The following ZBBX variants were observed in gnomAD, a reference collection of about 807,000 sequenced individuals.
The protein encoded by ZBBX is zinc finger B-box domain containing, also known as zinc finger B-box domain-containing protein 1.
A neutral mutation model predicts 108.5 loss-of-function variants in ZBBX; 101 were observed. The ratio of observed to expected loss-of-function variants is 0.93; its 90% CI spans 0.79 to 1.10. ZBBX has a LOEUF of 1.10. ZBBX is among the 50% of genes least tolerant of loss of function. The pLI is 0.00. For missense variants in ZBBX, 1,009 were observed against 941.4 expected, an observed-to-expected ratio of 1.07 and a Z score of -0.94; for synonymous variants, 356 against 323.4, an observed-to-expected ratio of 1.10 and a Z score of -1.08.
intron 20 of ZBBX, chr3:167,252,240 G>A (rs547538155): frequency 8.1e-7 from 1 of 1,229,416 alleles, no homozygotes; most frequent in East Asian, 5.6e-5. Context: ...AAGTCAGAGA[G>A]GTTGCTGTAC....
intron 17 of ZBBX, 77 bp from the exon 18 acceptor site, chr3:167,298,535 A>T (rs1184012617): frequency 5.3e-6 from 6 of 1,131,710 alleles, no homozygotes; most frequent in Non-Finnish European, 7.1e-6. Flanking sequence ...TCAGATACCT[A>T]CTTGGTATCT....
At chr3:167,366,420 A>G (rs1009627988) in intron 5 of ZBBX, among the ~76,000 whole-genome samples, 3 of 151,864 alleles carry the variant, frequency 2.0e-5, no homozygotes, top group Admixed American at 6.6e-5. Flanking sequence ...GATCTCCCAC[A>G]TTGAAACATA....
chr3:167,300,915 C>CTTTTTT (rs59563822), intron 17 of ZBBX, among the ~76,000 whole-genome samples: 3 of 136,556 alleles, frequency 2.2e-5, no homozygotes, highest in Admixed American at 7.4e-5. Context: ...TGTGCCTGGC[C>CTTTTTT]TTTTTTTTTT....
rs1733500555 is a variant in ZBBX at position 167,305,667 on chromosome 3, T to G, written c.1701A>C (p.Glu567Asp). The G allele has an allele frequency of 6.4e-7, 1 of 1,564,900 alleles. No homozygotes were observed. The highest frequency in any genetic ancestry group is 8.6e-7 in the Non-Finnish European group (1 of 1,161,238). ...SNLYKRPSFE[E>D]SKTTKSSLLL... ...CCAGTGATGACTTTGTAGTTTTTGATTCTTCAAAGCTTGGCCTCTTATACA... is the reference window on the plus strand; with the variant it reads ...CCAGTGATGACTTTGTAGTTTTTGAGTCTTCAAAGCTTGGCCTCTTATACA... The change falls in exon 17 of 22, where the codon GAA (glutamate) becomes GAC (aspartate). Residue 567 changes from glutamate to aspartate, a missense_variant. By Grantham distance (45) the Glu-to-Asp change is conservative. Coordinates refer to ENST00000675490, the MANE Select transcript of ZBBX (RefSeq NM_001199201.2).
chr3:167,371,712 G>A (rs1014279472), intron 4 of ZBBX, among the ~76,000 whole-genome samples: 2 of 152,030 alleles, frequency 1.3e-5, no homozygotes, highest in African/African-American at 2.4e-5. Flanking sequence ...AAAATTGGTA[G>A]TCCTAGCAAT....
intron 17 of ZBBX, among the ~76,000 whole-genome samples, chr3:167,303,156 CCTGA>C (rs1664081282): frequency 6.6e-6 from 1 of 152,106 alleles, no homozygotes; most frequent in Admixed American, 6.6e-5. Flanking sequence ...GCATTTATTT[CCTGA>C]CTGTTTTAAT....
intron 20 of ZBBX, among the ~76,000 whole-genome samples, chr3:167,250,270 G>C (rs1296078886): frequency 6.6e-6 from 1 of 152,104 alleles, no homozygotes; most frequent in Non-Finnish European, 1.5e-5. Context: ...CAAAAGCTTT[G>C]ATGACCACCA....
chr3:167,276,375 C>A (rs1454394713), intron 20 of ZBBX, among the ~76,000 whole-genome samples: 1 of 152,034 alleles, frequency 6.6e-6, no homozygotes, highest in Non-Finnish European at 1.5e-5. Flanking sequence ...ACTAGAATAA[C>A]CAATACAGAG....
intron 20 of ZBBX, among the ~76,000 whole-genome samples, chr3:167,279,066 ACT>A (rs1347897450): frequency 4.6e-5 from 7 of 150,876 alleles, no homozygotes; most frequent in Admixed American, 4.6e-4. Flanking sequence ...CATGCTAAAA[ACT>A]CTCAATAAAT....
chr3:167,284,819 T>A (rs1190296793), intron 19 of ZBBX, among the ~76,000 whole-genome samples: 1 of 152,148 alleles, frequency 6.6e-6, no homozygotes, highest in Non-Finnish European at 1.5e-5. Context: ...CTTGATTTTG[T>A]TTATTGTTCT....
At chr3:167,372,326 C>T (rs1040819194) in intron 4 of ZBBX, among the ~76,000 whole-genome samples, 2 of 152,152 alleles carry the variant, frequency 1.3e-5, no homozygotes, top group African/African-American at 2.4e-5. Context: ...GGGAGCTATA[C>T]TCTCCCATAC....
intron 21 of ZBBX, 38 bp from the exon 22 acceptor site, chr3:167,240,957 A>C (rs921295377): frequency 5.0e-6 from 8 of 1,603,966 alleles, no homozygotes; most frequent in Non-Finnish European, 6.8e-6. Context: ...CAATATACAG[A>C]ACCGGGTTTC....
the ZBBX span, among the ~76,000 whole-genome samples, chr3:167,202,720 T>G: frequency 1.3e-5 from 2 of 152,120 alleles, no homozygotes; most frequent in Non-Finnish European, 2.9e-5. Context: ...ATAGCAGTTA[T>G]GAGGTACCAT....
the ZBBX span, among the ~76,000 whole-genome samples, chr3:167,211,460 G>A: frequency 1.3e-5 from 2 of 152,224 alleles, no homozygotes; most frequent in African/African-American, 2.4e-5. Context: ...TGAATCCAGG[G>A]GCCTGAGCAG....
At chr3:167,371,639 C>T (rs932077923) in intron 4 of ZBBX, among the ~76,000 whole-genome samples, 11 of 152,178 alleles carry the variant, frequency 7.2e-5, no homozygotes, top group Admixed American at 6.5e-4. Context: ...GGTATAGACA[C>T]GTGGCCCTGA....
In ZBBX at chr3:167,292,110, AC is replaced by A. The variant is rs199887275; in HGVS notation, c.1880-3128del. ...GACTCCTATACAATAATAGTGGGAG[AC>A]TTTAACACCCCACTATCAATATTAG... On this transcript the variant is annotated intron_variant, in intron 18 of 21. Transcript: ENST00000675490. Among the ~76,000 whole-genome samples, 1,399 of 152,234 alleles carry A rather than the reference AC, an allele frequency of 9.2e-3. 16 individuals are homozygous for A. The highest frequency in any genetic ancestry group is 0.031 in the African/African-American group (1,297 of 41,520).
the ZBBX span, among the ~76,000 whole-genome samples, chr3:167,191,932 T>TAGAG: frequency 1.6e-5 from 2 of 128,030 alleles, no homozygotes; most frequent in African/African-American, 3.2e-5. Context: ...TATATATATA[T>TAGAG]ATAGAGCAAG....
chr3:167,312,550 G>A (rs1264375221), intron 16 of ZBBX, among the ~76,000 whole-genome samples: 1 of 152,106 alleles, frequency 6.6e-6, no homozygotes, highest in Non-Finnish European at 1.5e-5. Context: ...AGGGTATATA[G>A]GAACTCTCTG....
At chr3:167,274,764 T>C (rs72497109) in intron 20 of ZBBX, among the ~76,000 whole-genome samples, 7,666 of 152,174 alleles carry the variant, frequency 0.05, 531 homozygotes, top group African/African-American at 0.15. Context: ...CTCCTTTCCA[T>C]ATTTAGAAAA....
Sources: allele counts gnomAD v4.1 joint callset (sites outside exome capture counted in the v4.1 genomes callset), GRCh38; gene constraint gnomAD v4.1.1; transcripts MANE v1.5; gene names NCBI Gene and HGNC (gene_info 2026-07-23, HGNC 2026-07-21).